INPP4B: variants seen among roughly 807,000 people sequenced by gnomAD.
The protein encoded by INPP4B is inositol polyphosphate-4-phosphatase type II B, also known as inositol polyphosphate 4-phosphatase type II.
Under a neutral mutation model 122.5 loss-of-function variants are expected in INPP4B, and 55 were observed. The observed-to-expected ratio is 0.45, with a 90% confidence interval of 0.36 to 0.56. The LOEUF (loss-of-function observed/expected upper bound fraction) is 0.56, where lower values mean the gene tolerates loss of function less well. Among genes scored for constraint, INPP4B ranks in the 20% least tolerant of loss-of-function variants. The pLI is 0.00. For missense variants in INPP4B, 1,000 were observed against 1,097.7 expected, an observed-to-expected ratio of 0.91 and a Z score of 1.26; for synonymous variants, 403 against 388.7, an observed-to-expected ratio of 1.04 and a Z score of -0.43.
intron 17 of INPP4B, among the ~76,000 whole-genome samples, chr4:142,153,867 A>G (rs1466677125): frequency 6.6e-6 from 1 of 152,212 alleles, no homozygotes; most frequent in African/African-American, 2.4e-5. Context: ...ATGCATGCAC[A>G]TAAAGATTTC....
chr4:142,221,325 G>C (rs114780771), intron 12 of INPP4B, among the ~76,000 whole-genome samples: 11 of 148,338 alleles, frequency 7.4e-5, no homozygotes, highest in Non-Finnish European at 1.6e-4. Flanking sequence ...GTGTGAACCC[G>C]GGAGTAGTGA....
chr4:142,692,455 C>A (rs572209482), intron 2 of INPP4B, among the ~76,000 whole-genome samples: 5 of 152,114 alleles, frequency 3.3e-5, no homozygotes, highest in Non-Finnish European at 7.3e-5. Flanking sequence ...AACCCTAGCA[C>A]TTTATGAGGC....
At chr4:142,293,200 G>C (rs556692139) in intron 9 of INPP4B, among the ~76,000 whole-genome samples, 1 of 151,732 alleles carries the variant, frequency 6.6e-6, no homozygotes, top group Non-Finnish European at 1.5e-5. Context: ...CACCACGCCC[G>C]GCTGATTTTT....
intron 16 of INPP4B, among the ~76,000 whole-genome samples, chr4:142,163,382 G>T (rs1240307424): frequency 6.6e-6 from 1 of 151,748 alleles, no homozygotes; most frequent in Non-Finnish European, 1.5e-5. Context: ...GTGCCATCTG[G>T]GTCACCAGAT....
In INPP4B at chr4:142,028,412, A is replaced by G. The variant is rs1171750506; in HGVS notation, c.*370T>C. 1.2e-5 allele frequency: 3 copies of G among 244,028 alleles called. No homozygotes were observed. Among genetic ancestry groups the G allele is most frequent in the Non-Finnish European group, 2.4e-5 (3 of 125,974 alleles). The allele number at this position is 244,028 out of a possible 1,614,324, so 15.1% of individuals were successfully genotyped here. ...TCCTTTTCCCCCTCTCCTCTCTTCC[A>G]TTTGGTTGGAGAGTGGTGCTCTGTG... On this transcript the variant is annotated 3_prime_UTR_variant, in exon 26 of 26. Transcript: ENST00000262992.
chr4:142,713,462 G>A (rs1307085429), intron 2 of INPP4B, among the ~76,000 whole-genome samples: 1 of 152,170 alleles, frequency 6.6e-6, no homozygotes, highest in Admixed American at 6.5e-5. Context: ...GAGAGAGTAA[G>A]CGAAAGATTG....
intron 2 of INPP4B, among the ~76,000 whole-genome samples, chr4:142,670,481 G>A (rs1158929526): frequency 6.6e-6 from 1 of 151,974 alleles, no homozygotes; most frequent in African/African-American, 2.4e-5. Flanking sequence ...AAAGAAGGAA[G>A]TCCTGTCATT....
intron 2 of INPP4B, among the ~76,000 whole-genome samples, chr4:142,690,220 G>C (rs1025730108): frequency 6.6e-6 from 1 of 152,142 alleles, no homozygotes; most frequent in Non-Finnish European, 1.5e-5. Context: ...AAAGCACGAA[G>C]ACACTGGCTG....
chr4:142,134,462 T>C (rs1038310408), intron 18 of INPP4B, among the ~76,000 whole-genome samples: 4 of 152,198 alleles, frequency 2.6e-5, no homozygotes, highest in African/African-American at 9.7e-5. Flanking sequence ...TCAAAAATGT[T>C]ATTGAAATTC....
intron 16 of INPP4B, among the ~76,000 whole-genome samples, chr4:142,171,300 C>T (rs909095099): frequency 1.3e-5 from 2 of 151,784 alleles, no homozygotes; most frequent in Non-Finnish European, 2.9e-5. Context: ...ATATAGATAA[C>T]TCCTTAATGT....
intron 2 of INPP4B, among the ~76,000 whole-genome samples, chr4:142,725,468 A>T (rs750132906): frequency 2.0e-5 from 3 of 152,146 alleles, no homozygotes; most frequent in Non-Finnish European, 2.9e-5. Flanking sequence ...GAATCTTATC[A>T]TTGTACCCTA....
intron 4 of INPP4B, 58 bp downstream of exon 4, chr4:142,431,111 C>T (rs1809209637): frequency 7.7e-7 from 1 of 1,304,084 alleles, no homozygotes; most frequent in South Asian, 1.2e-5. Context: ...GTGTAAGTTT[C>T]ATCGGCCCAA....
chr4:142,802,852 C>T (rs775481008), intron 1 of INPP4B, among the ~76,000 whole-genome samples: 15 of 151,036 alleles, frequency 9.9e-5, no homozygotes, highest in Non-Finnish European at 2.1e-4. Context: ...TGAAGTTGAA[C>T]GCGGTATCTG....
intron 1 of INPP4B, among the ~76,000 whole-genome samples, chr4:142,821,415 G>A (rs890857251): frequency 7.2e-5 from 11 of 151,880 alleles, no homozygotes; most frequent in Non-Finnish European, 4.4e-5. Flanking sequence ...GGAGGACAAA[G>A]TTCTTTCTTT....
intron 1 of INPP4B, among the ~76,000 whole-genome samples, chr4:142,770,470 G>T (rs1193626832): frequency 1.3e-5 from 2 of 151,962 alleles, no homozygotes; most frequent in African/African-American, 4.8e-5. Flanking sequence ...TGGTTTTCCT[G>T]CCTAATAAAC....
At chr4:142,056,203 T>C (rs1366985763) in intron 25 of INPP4B, among the ~76,000 whole-genome samples, 1 of 152,080 alleles carries the variant, frequency 6.6e-6, no homozygotes, top group East Asian at 1.9e-4. Flanking sequence ...ACCTGGTTCT[T>C]AACAGGCCAC....
chr4:142,129,463 G>C (rs756097649), intron 18 of INPP4B, among the ~76,000 whole-genome samples: 2 of 152,156 alleles, frequency 1.3e-5, no homozygotes, highest in African/African-American at 2.4e-5. Context: ...CTAATAATAA[G>C]GTTTCTTCTG....
Position 142,829,711 on chromosome 4 carries a change from T to C in INPP4B, c.-254+16498A>G, listed in dbSNP as rs570878075. 1.0e-3 allele frequency among the ~76,000 whole-genome samples: 155 copies of C among 152,322 alleles called. 1 individual carries two copies. Among genetic ancestry groups the C allele is most frequent in the Non-Finnish European group, 1.9e-3 (128 of 68,028 alleles). On this transcript the variant is annotated intron_variant, in intron 1 of 25. Transcript: ENST00000262992. ...AAGAAAAACTGTCAAGTTGAAATTG[T>C]ATAACATTATCATTCAACAGCAAGC... is the stretch of plus-strand genomic sequence containing the variant.
chr4:142,716,025 A>G (rs1265387756), intron 2 of INPP4B, among the ~76,000 whole-genome samples: 1 of 152,180 alleles, frequency 6.6e-6, no homozygotes, highest in African/African-American at 2.4e-5. Context: ...AAGTGTCCCA[A>G]AAAAGAGAGA....
Sources: allele counts gnomAD v4.1 joint callset (sites outside exome capture counted in the v4.1 genomes callset), GRCh38; gene constraint gnomAD v4.1.1; transcripts MANE v1.5; gene names NCBI Gene and HGNC (gene_info 2026-07-23, HGNC 2026-07-21).